The following AFAP1L1 variants were observed in gnomAD, a reference collection of about 807,000 sequenced individuals.
AFAP1L1 encodes actin filament-associated protein 1-like 1.
Under a neutral mutation model 99.8 loss-of-function variants are expected in AFAP1L1, and 77 were observed. That is an observed-to-expected ratio of 0.77 (90% CI 0.64 to 0.93). The LOEUF is 0.93. AFAP1L1 is among the 40% of genes least tolerant of loss of function. The pLI is 0.00. For missense variants in AFAP1L1, 893 were observed against 996.8 expected (o/e 0.90, Z 1.40); for synonymous variants, 373 against 395.3 (o/e 0.94, Z 0.67).
chr5:149,324,860 G>C (rs1757051658), intron 15 of AFAP1L1, among the ~76,000 whole-genome samples: 1 of 152,332 alleles, frequency 6.6e-6, no homozygotes, highest in Non-Finnish European at 1.5e-5. Flanking sequence ...GCTTCCCCCA[G>C]AGCAAGCAAC....
At chr5:149,313,373 T>A (rs1269960991) in intron 9 of AFAP1L1, among the ~76,000 whole-genome samples, 3 of 152,374 alleles carry the variant, frequency 2.0e-5, no homozygotes, top group Non-Finnish European at 4.4e-5. Context: ...TGTGACTGCA[T>A]GCCCTGCAGT....
chr5:149,280,733 A>G (rs942928298), intron 1 of AFAP1L1, among the ~76,000 whole-genome samples: 2 of 152,148 alleles, frequency 1.3e-5, no homozygotes, highest in African/African-American at 2.4e-5. Context: ...TAATATATCT[A>G]ACCCCTTCTA....
At chr5:149,329,454 C>T (rs926657479) in intron 15 of AFAP1L1, among the ~76,000 whole-genome samples, 3 of 152,194 alleles carry the variant, frequency 2.0e-5, no homozygotes, top group Non-Finnish European at 4.4e-5. Context: ...ACTGTCTGTT[C>T]CAAGGCCTTG....
intron 18 of AFAP1L1, 141 bp downstream of exon 18, chr5:149,335,863 C>T: frequency 8.9e-7 from 1 of 1,120,132 alleles, no homozygotes; most frequent in Non-Finnish European, 1.3e-6. Flanking sequence ...CATGAACCTT[C>T]CTCAGAAGGG....
chr5:149,299,056 G>A (rs1756103024), intron 1 of AFAP1L1, among the ~76,000 whole-genome samples: 2 of 152,356 alleles, frequency 1.3e-5, no homozygotes, highest in South Asian at 2.1e-4. Flanking sequence ...CACATGAACT[G>A]ATGGGACAGG....
intron 6 of AFAP1L1, among the ~76,000 whole-genome samples, chr5:149,306,985 A>C (rs1756435566): frequency 6.6e-6 from 1 of 152,044 alleles, no homozygotes; most frequent in Non-Finnish European, 1.5e-5. Context: ...GGTGGCTCAC[A>C]CCTGTAATCC....
At chr5:149,335,546 T>C in intron 17 of AFAP1L1, 48 bp from the exon 18 acceptor site, 3 of 1,594,352 alleles carry the variant, frequency 1.9e-6, no homozygotes, top group African/African-American at 2.7e-5. Flanking sequence ...GGTGTGTAGG[T>C]AGCCATCACC....
chr5:149,280,023 A>G (rs913144527), intron 1 of AFAP1L1, among the ~76,000 whole-genome samples: 1 of 152,196 alleles, frequency 6.6e-6, no homozygotes, highest in Non-Finnish European at 1.5e-5. Flanking sequence ...GACCTAGTGT[A>G]ATGCTTGATG....
At chr5:149,318,479 A>G (rs1159858421) in intron 12 of AFAP1L1, among the ~76,000 whole-genome samples, 1 of 152,090 alleles carries the variant, frequency 6.6e-6, no homozygotes, top group East Asian at 1.9e-4. Flanking sequence ...TTTTCCCCAT[A>G]CTGAGTTGAA....
intron 9 of AFAP1L1, among the ~76,000 whole-genome samples, chr5:149,313,882 A>G (rs961458602): frequency 2.0e-5 from 3 of 152,234 alleles, no homozygotes; most frequent in African/African-American, 4.8e-5. Flanking sequence ...AGGCATTGTA[A>G]GCAGAGGGAA....
intron 4 of AFAP1L1, 124 bp from the exon 5 acceptor site, chr5:149,302,294 T>C (rs1756248066): frequency 1.6e-6 from 1 of 614,240 alleles, no homozygotes; most frequent in Non-Finnish European, 2.7e-6. Context: ...TGTGGCTCTA[T>C]AAAAGGTATG....
chr5:149,333,600 C>T (rs3098389), intron 17 of AFAP1L1, among the ~76,000 whole-genome samples: 1 of 151,974 alleles, frequency 6.6e-6, no homozygotes, highest in Non-Finnish European at 1.5e-5. Flanking sequence ...TCTACACCAG[C>T]GCTTCTCAAC....
chr5:149,272,529 C>G (rs1755158924), intron 1 of AFAP1L1, among the ~76,000 whole-genome samples: 2 of 152,202 alleles, frequency 1.3e-5, no homozygotes, highest in Non-Finnish European at 2.9e-5. Context: ...CGGCCCAGCC[C>G]TTCTCTCTGG....
chr5:149,275,010 A>C (rs1755268579), intron 1 of AFAP1L1, among the ~76,000 whole-genome samples: 1 of 152,086 alleles, frequency 6.6e-6, no homozygotes, highest in Non-Finnish European at 1.5e-5. Context: ...CCTCCTGCCT[A>C]CCATGTGAGA....
rs373932990 is a variant in AFAP1L1 at position 149,301,089 on chromosome 5, G to T, written c.230-44G>T. On this transcript the variant is annotated intron_variant, in intron 3 of 18. Coordinates refer to ENST00000296721, the MANE Select transcript of AFAP1L1 (RefSeq NM_152406.4). ...CAGCCCTCTTCCCCTGGTCTGTGCT[G>T]CTCATCCTTGGCTTTCTTTGCCCAA... 31 of 1,585,712 alleles carry T rather than the reference G, an allele frequency of 2.0e-5. No homozygotes were observed. In the African/African-American group the frequency reaches 3.2e-4, roughly 16 times the overall value.
intron 16 of AFAP1L1, 58 bp from the exon 17 acceptor site, chr5:149,332,637 G>A (rs1757287117): frequency 6.4e-7 from 1 of 1,559,358 alleles, no homozygotes; most frequent in South Asian, 1.2e-5. Flanking sequence ...GGCCCTGCCA[G>A]ATTCCCTGAC....
chr5:149,307,762 G>A, intron 7 of AFAP1L1, 149 bp downstream of exon 7: 1 of 745,126 alleles, frequency 1.3e-6, no homozygotes, highest in Non-Finnish European at 2.2e-6. Context: ...CCAAGATCAG[G>A]ACTTTCCCCA....
chr5:149,323,094 G>T (rs1757002223), intron 15 of AFAP1L1, among the ~76,000 whole-genome samples: 1 of 152,176 alleles, frequency 6.6e-6, no homozygotes, highest in African/African-American at 2.4e-5. Flanking sequence ...GAATTTAGGT[G>T]AAGTCTACTT....
At position 149,300,358 on chromosome 5, in the gene AFAP1L1, A is replaced by T. The variant is rs1474971988; in HGVS notation, c.229+4A>T. 7 of 1,611,942 alleles carry T rather than the reference A, an allele frequency of 4.3e-6. No homozygotes were observed. The African/African-American group carries it at 5.3e-5, about 12-fold the overall frequency. Reference sequence around the variant, plus strand: ...GAATCCCTCTTTGAAGAATTTGGTAAGTGACCCTCTCCCAACCTCAGCTAC... The same window carrying T: ...GAATCCCTCTTTGAAGAATTTGGTATGTGACCCTCTCCCAACCTCAGCTAC... On this transcript the variant is annotated splice_donor_region_variant and intron_variant, in intron 3 of 18. Transcript: ENST00000296721.
Sources: allele counts gnomAD v4.1 joint callset (sites outside exome capture counted in the v4.1 genomes callset), GRCh38; gene constraint gnomAD v4.1.1; transcripts MANE v1.5; gene names NCBI Gene and HGNC (gene_info 2026-07-23, HGNC 2026-07-21).